CTNNA2: variants seen among roughly 807,000 people sequenced by gnomAD.
CTNNA2 encodes catenin alpha-2.
CTNNA2 carries 42 observed loss-of-function variants against 101.0 expected under a neutral mutation model. That is an observed-to-expected ratio of 0.42 (90% CI 0.32 to 0.54). CTNNA2 has a LOEUF of 0.54. CTNNA2 is among the 20% of genes least tolerant of loss of function. The pLI is 0.14. For synonymous variants in CTNNA2, 450 were observed against 456.4 expected (o/e 0.99, Z 0.18); for missense variants, 871 against 1,223.1 (o/e 0.71, Z 4.29).
chr2:80,237,871 T>G lies in CTNNA2; in HGVS notation c.1057-155340T>G, dbSNP rs567135639. 2.0e-4 allele frequency among the ~76,000 whole-genome samples: 30 copies of G among 152,242 alleles called. 2 individuals are homozygous for G. The South Asian group carries it at 6.2e-3, about 32-fold the overall frequency. On this transcript the variant is annotated intron_variant, in intron 7 of 18. Transcript: ENST00000402739. ...GGTTGAGTTGGTCTTCAACCTGCCC[T>G]TCATTGAAGGGCTGCCTGGACCCTC...
chr2:79,365,965 T>C, intron 3 of CTNNA2, among the ~76,000 whole-genome samples: 1 of 152,186 alleles, frequency 6.6e-6, no homozygotes, highest in East Asian at 1.9e-4. Flanking sequence ...GGTTACCCGG[T>C]GAGGGTTAAT....
intron 11 of CTNNA2, among the ~76,000 whole-genome samples, chr2:80,546,569 T>C (rs933823688): frequency 6.6e-6 from 1 of 152,226 alleles, no homozygotes; most frequent in Admixed American, 6.5e-5. Flanking sequence ...ATCAAGGCTT[T>C]GAGCACTTGT....
intron 3 of CTNNA2, among the ~76,000 whole-genome samples, chr2:79,821,530 G>A (rs931701677): frequency 4.6e-5 from 7 of 152,076 alleles, no homozygotes; most frequent in South Asian, 2.1e-4. Flanking sequence ...GATGCTAAAC[G>A]CACTACCAAA....
intron 9 of CTNNA2, among the ~76,000 whole-genome samples, chr2:80,423,500 G>T (rs1446801169): frequency 6.6e-6 from 1 of 151,696 alleles, no homozygotes; most frequent in Non-Finnish European, 1.5e-5. Context: ...TTATTATCAG[G>T]TCATCTCCTT....
intron 1 of CTNNA2, among the ~76,000 whole-genome samples, chr2:79,645,401 A>T (rs572231892): frequency 6.6e-6 from 1 of 152,200 alleles, no homozygotes; most frequent in Non-Finnish European, 1.5e-5. Context: ...TATTTTATTC[A>T]TGGAAAAAGC....
intron 7 of CTNNA2, among the ~76,000 whole-genome samples, chr2:79,972,725 A>C (rs768906954): frequency 2.6e-4 from 39 of 152,180 alleles, no homozygotes; most frequent in Non-Finnish European, 4.3e-4. Context: ...AGGGAAGTGG[A>C]TCTTCAGGTT....
intron 7 of CTNNA2, among the ~76,000 whole-genome samples, chr2:80,165,388 T>G (rs943321934): frequency 6.6e-6 from 1 of 152,182 alleles, no homozygotes; most frequent in African/African-American, 2.4e-5. Flanking sequence ...TTAATTTTTG[T>G]TATTGCATTG....
intron 7 of CTNNA2, among the ~76,000 whole-genome samples, chr2:80,370,744 T>C (rs1675366660): frequency 6.6e-6 from 1 of 152,192 alleles, no homozygotes; most frequent in Admixed American, 6.5e-5. Context: ...TACTTGTGTT[T>C]GTTACTGAAA....
chr2:79,222,703 G>T (rs7592361), intron 2 of CTNNA2, among the ~76,000 whole-genome samples: 33,750 of 150,422 alleles, frequency 0.22, 4,533 homozygotes, highest in African/African-American at 0.39. Context: ...CTCTCTCTCT[G>T]TTCTTATTAT....
intron 7 of CTNNA2, among the ~76,000 whole-genome samples, chr2:80,131,747 C>G (rs2148895434): frequency 6.6e-6 from 1 of 152,200 alleles, no homozygotes; most frequent in South Asian, 2.1e-4. Context: ...TTCTTAAATC[C>G]TCAAGAGCAG....
intron 3 of CTNNA2, among the ~76,000 whole-genome samples, chr2:79,758,960 C>G (rs1378474025): frequency 6.6e-6 from 1 of 152,040 alleles, no homozygotes; most frequent in African/African-American, 2.4e-5. Flanking sequence ...TCTCAGATGA[C>G]CAGCTCTTTG....
chr2:79,202,328 T>TTTA (rs1464801734), intron 2 of CTNNA2, among the ~76,000 whole-genome samples: 6 of 122,042 alleles, frequency 4.9e-5, no homozygotes, highest in Non-Finnish European at 1.7e-5. Flanking sequence ...CACACACTTG[T>TTTA]TTTTTTATTT....
At chr2:80,108,942 GC>G (rs1701047276) in intron 7 of CTNNA2, among the ~76,000 whole-genome samples, 1 of 152,138 alleles carries the variant, frequency 6.6e-6, no homozygotes, top group South Asian at 2.1e-4. Flanking sequence ...TTAGCAAATG[GC>G]ATGGGCTTAG....
At chr2:79,411,485 C>A (rs1056546441) in intron 4 of CTNNA2, among the ~76,000 whole-genome samples, 2 of 151,980 alleles carry the variant, frequency 1.3e-5, no homozygotes, top group African/African-American at 4.8e-5. Context: ...ATGTTAAGGG[C>A]AGCCAGAGAG....
chr2:79,514,668 A>G (rs1187611308), intron 1 of CTNNA2: 3 of 152,216 alleles, frequency 2.0e-5, no homozygotes, highest in Non-Finnish European at 2.9e-5. Context: ...TAGCATATTT[A>G]TCATCTCAGA....
chr2:79,425,203 G>T (rs944385404), intron 4 of CTNNA2, among the ~76,000 whole-genome samples: 1 of 152,118 alleles, frequency 6.6e-6, no homozygotes, highest in African/African-American at 2.4e-5. Flanking sequence ...GCTAAGAGTG[G>T]ATGATTAGCA....
chr2:79,585,557 A>G (rs1250351960), intron 1 of CTNNA2, among the ~76,000 whole-genome samples: 2 of 152,082 alleles, frequency 1.3e-5, no homozygotes, highest in Non-Finnish European at 2.9e-5. Flanking sequence ...AATATATGGT[A>G]CTCTGTCTCA....
intron 4 of CTNNA2, among the ~76,000 whole-genome samples, chr2:79,420,018 C>A (rs1678524200): frequency 6.6e-6 from 1 of 152,206 alleles, no homozygotes; most frequent in East Asian, 1.9e-4. Flanking sequence ...GGATGCTCCC[C>A]AGCCTAGTTA....
rs184162098 is a variant in CTNNA2 at position 79,525,004 on chromosome 2, C to A, written c.-6+11797C>A. Among the ~76,000 whole-genome samples, 162 of 151,686 alleles carry A rather than the reference C, an allele frequency of 1.1e-3. 1 individual carries two copies. The highest frequency in any genetic ancestry group is 9.0e-4 in the Non-Finnish European group (61 of 67,812). ...AATAATGATCTAATGGTGGTGACAA[C>A]ATGTTTGATTATGCTAATGCCTGTG... is the stretch of plus-strand genomic sequence containing the variant. On this transcript the variant is annotated intron_variant, in intron 1 of 18. Transcript: ENST00000402739.
Sources: allele counts gnomAD v4.1 joint callset (sites outside exome capture counted in the v4.1 genomes callset), GRCh38; gene constraint gnomAD v4.1.1; transcripts MANE v1.5; gene names NCBI Gene and HGNC (gene_info 2026-07-23, HGNC 2026-07-21).